Variants in CNTN4 observed in about 807,000 individuals in gnomAD.
The protein encoded by CNTN4 is contactin 4, also known as contactin-4.
Under a neutral mutation model 122.5 loss-of-function variants are expected in CNTN4, and 77 were observed. The observed-to-expected ratio is 0.63, with a 90% CI of 0.52 to 0.76. CNTN4 has a LOEUF of 0.76. CNTN4 is among the 30% of genes least tolerant of loss of function. The pLI, the probability that CNTN4 is intolerant of heterozygous loss-of-function variation, is 0.00. For missense variants in CNTN4, 1,256 were observed against 1,259.1 expected (o/e 1.00, Z 0.04); for synonymous variants, 512 against 447.0 (o/e 1.15, Z -1.83).
At chr3:2,346,187 C>A (rs2044391859) in intron 3 of CNTN4, among the ~76,000 whole-genome samples, 1 of 151,998 alleles carries the variant, frequency 6.6e-6, no homozygotes, top group Admixed American at 6.6e-5. Context: ...TTTCTTAATT[C>A]CATTAATTTC....
intron 3 of CNTN4, among the ~76,000 whole-genome samples, chr3:2,568,577 C>T (rs1422006230): frequency 6.6e-6 from 1 of 152,124 alleles, no homozygotes; most frequent in East Asian, 1.9e-4. Context: ...CATCCTGCAG[C>T]TTTCTTTCTG....
chr3:2,241,776 T>C (rs1245226464), intron 2 of CNTN4, among the ~76,000 whole-genome samples: 1 of 152,186 alleles, frequency 6.6e-6, no homozygotes, highest in Admixed American at 6.5e-5. Context: ...CAATCCAGGC[T>C]TGTTCAGTTG....
Position 2,902,902 on chromosome 3 carries a change from A to G in CNTN4, c.1104A>G (p.Thr368=). 6.2e-7 allele frequency: 1 copy of G among 1,613,770 alleles called. No homozygotes were observed. Among genetic ancestry groups the G allele is most frequent in the South Asian group, 1.1e-5 (1 of 91,056 alleles). Residue 368 remains threonine (T), a synonymous_variant, in exon 12 of 25, where the codon ACA becomes ACG. Coordinates refer to ENST00000418658, the MANE Select transcript of CNTN4 (RefSeq NM_175607.3). The stretch of plus-strand genomic sequence containing the variant: ...ATAGAATTCAAATTGAGCAAGGAAC[A>G]CTCAACATAACAATAGTGAACCTCT... The part of the protein sequence containing the change: ...TRDRIQIEQG[T]LNITIVNLSD...
At chr3:2,660,234 T>C (rs896048052) in intron 4 of CNTN4, among the ~76,000 whole-genome samples, 9 of 151,882 alleles carry the variant, frequency 5.9e-5, no homozygotes, top group Non-Finnish European at 1.3e-4. Flanking sequence ...AAAAAAACTC[T>C]AATAGTATAC....
At chr3:2,687,704 T>G (rs1422352562) in intron 4 of CNTN4, among the ~76,000 whole-genome samples, 1 of 152,216 alleles carries the variant, frequency 6.6e-6, no homozygotes, top group African/African-American at 2.4e-5. Flanking sequence ...CATTCTCTCC[T>G]GCTGATCATT....
chr3:2,401,196 TC>T (rs1014219758), intron 3 of CNTN4, among the ~76,000 whole-genome samples: 6 of 152,172 alleles, frequency 3.9e-5, no homozygotes, highest in Admixed American at 3.9e-4. Flanking sequence ...TCTTTGGATC[TC>T]ATGATTTTAG....
intron 6 of CNTN4, among the ~76,000 whole-genome samples, chr3:2,783,544 T>G (rs756727087): frequency 6.6e-6 from 1 of 152,178 alleles, no homozygotes; most frequent in Non-Finnish European, 1.5e-5. Flanking sequence ...AGAAACTAAT[T>G]GTGTTTTTTC....
intron 2 of CNTN4, among the ~76,000 whole-genome samples, chr3:2,104,916 A>C (rs955140239): frequency 6.6e-6 from 1 of 152,100 alleles, no homozygotes; most frequent in Non-Finnish European, 1.5e-5. Flanking sequence ...TTTGACCTCT[A>C]TTACTATCCC....
At chr3:2,207,659 T>A (rs2149421090) in intron 2 of CNTN4, among the ~76,000 whole-genome samples, 1 of 152,148 alleles carries the variant, frequency 6.6e-6, no homozygotes, top group South Asian at 2.1e-4. Context: ...GTTCAGAAGT[T>A]TAAAGAAACC....
chr3:2,567,230 G>C (rs964395115), intron 3 of CNTN4, among the ~76,000 whole-genome samples: 2 of 152,030 alleles, frequency 1.3e-5, no homozygotes, highest in Non-Finnish European at 2.9e-5. Context: ...GGGACTACAG[G>C]CATGTGCCAC....
intron 4 of CNTN4, among the ~76,000 whole-genome samples, chr3:2,662,080 T>G (rs1167176748): frequency 1.3e-5 from 2 of 152,084 alleles, no homozygotes; most frequent in Non-Finnish European, 2.9e-5. Context: ...GTTATAGAGA[T>G]CAAAGACCCA....
chr3:2,773,691 C>G (rs2091197972), intron 6 of CNTN4, among the ~76,000 whole-genome samples: 1 of 151,310 alleles, frequency 6.6e-6, no homozygotes, highest in Non-Finnish European at 1.5e-5. Flanking sequence ...ACCCTGTGGG[C>G]ATTACAGGCT....
intron 3 of CNTN4, among the ~76,000 whole-genome samples, chr3:2,516,290 T>A (rs2077037986): frequency 6.6e-6 from 1 of 152,100 alleles, no homozygotes; most frequent in Admixed American, 6.6e-5. Flanking sequence ...GAATCCGTAA[T>A]GTGAAATAAT....
chr3:2,109,892 C>T (rs1204524586), intron 2 of CNTN4, among the ~76,000 whole-genome samples: 1 of 152,138 alleles, frequency 6.6e-6, no homozygotes, highest in Non-Finnish European at 1.5e-5. Flanking sequence ...GGGTGAATGA[C>T]AGCTTTATAG....
intron 13 of CNTN4, among the ~76,000 whole-genome samples, chr3:2,935,807 C>A (rs1035138379): frequency 6.6e-6 from 1 of 152,160 alleles, no homozygotes; most frequent in Non-Finnish European, 1.5e-5. Context: ...TTGGAGCATA[C>A]AGGTTCCCCA....
At chr3:2,443,807 C>CT (rs1326370676) in intron 3 of CNTN4, among the ~76,000 whole-genome samples, 3 of 152,168 alleles carry the variant, frequency 2.0e-5, no homozygotes, top group Middle Eastern at 3.4e-3. Flanking sequence ...TTCAGTGTTT[C>CT]TTTTTTTCCC....
intron 3 of CNTN4, among the ~76,000 whole-genome samples, chr3:2,402,669 C>T (rs1478779880): frequency 6.6e-6 from 1 of 152,008 alleles, no homozygotes; most frequent in African/African-American, 2.4e-5. Context: ...TCTGTATTTT[C>T]GTACTCGTTT....
intron 4 of CNTN4, among the ~76,000 whole-genome samples, chr3:2,680,912 C>T (rs184019478): frequency 4.6e-5 from 7 of 152,096 alleles, no homozygotes; most frequent in African/African-American, 7.2e-5. Context: ...TTTCTGTTTT[C>T]TAGATGTTCT....
intron 2 of CNTN4, among the ~76,000 whole-genome samples, chr3:2,187,615 G>T (rs1279190777): frequency 3.9e-5 from 6 of 152,096 alleles, no homozygotes; most frequent in African/African-American, 1.2e-4. Flanking sequence ...CATTCTGCCG[G>T]GTTCCGTCTT....
Sources: allele counts gnomAD v4.1 joint callset (sites outside exome capture counted in the v4.1 genomes callset), GRCh38; gene constraint gnomAD v4.1.1; transcripts MANE v1.5; gene names NCBI Gene and HGNC (gene_info 2026-07-23, HGNC 2026-07-21).